The following NFXL1 variants were observed in gnomAD, a reference collection of about 807,000 sequenced individuals.
NFXL1 encodes the protein nuclear transcription factor, X-box binding like 1.
In NFXL1, 66 loss-of-function variants were observed where a neutral mutation model predicts 123.3. The observed-to-expected ratio is 0.54, with a 90% CI of 0.44 to 0.66. The LOEUF (loss-of-function observed/expected upper bound fraction) is 0.66. Among genes scored for constraint, NFXL1 ranks in the 30% least tolerant of loss-of-function variants. The pLI is 0.00. For synonymous variants in NFXL1, 346 were observed against 360.8 expected, an observed-to-expected ratio of 0.96 and a Z score of 0.46; for missense variants, 944 against 1,125.6, an observed-to-expected ratio of 0.84 and a Z score of 2.31.
chr4:47,892,140 C>T (rs1736811312), intron 11 of NFXL1, among the ~76,000 whole-genome samples: 1 of 152,118 alleles, frequency 6.6e-6, no homozygotes, highest in East Asian at 1.9e-4. Context: ...ACTAGAAAAC[C>T]ACATAAAAGA....
intron 2 of NFXL1, among the ~76,000 whole-genome samples, chr4:47,913,650 T>C (rs568205753): frequency 2.0e-4 from 31 of 152,322 alleles, no homozygotes; most frequent in African/African-American, 7.2e-4. Context: ...AACTCTGTGT[T>C]AACCAAACAA....
At chr4:47,864,411 T>C (rs989357181) in intron 18 of NFXL1, among the ~76,000 whole-genome samples, 1 of 152,110 alleles carries the variant, frequency 6.6e-6, no homozygotes, top group Non-Finnish European at 1.5e-5. Flanking sequence ...CCTTTCTGTC[T>C]TGAGCAGGCC....
At chr4:47,862,461 A>G (rs971265421) in intron 19 of NFXL1, among the ~76,000 whole-genome samples, 3 of 152,194 alleles carry the variant, frequency 2.0e-5, no homozygotes, top group African/African-American at 7.2e-5. Context: ...ACACATGCAC[A>G]TGCATACACA....
At chr4:47,863,037 T>A in intron 18 of NFXL1, 122 bp from the exon 19 acceptor site, 1 of 635,528 alleles carries the variant, frequency 1.6e-6, no homozygotes, top group Admixed American at 3.0e-5. Context: ...AGAAATACTT[T>A]AATTATTTCT....
Position 47,898,945 on chromosome 4 carries a change from G to A in NFXL1, c.988+14C>T. The A allele has an allele frequency of 1.2e-6, 2 of 1,613,640 alleles. No individual in the cohort carries two copies. The highest frequency in any genetic ancestry group is 1.7e-6 in the Non-Finnish European group (2 of 1,179,664). ...GCTTAAAGTCAGAAAAATCTAATGG[G>A]TATGGCCTTTTACCTGCATGACAAG... On this transcript the variant is annotated intron_variant, in intron 7 of 22. Transcript: ENST00000507489.
At position 47,910,004 on chromosome 4, in the gene NFXL1, G is replaced by A. The variant is rs989351993; in HGVS notation, c.406+820C>T. The stretch of plus-strand genomic sequence containing the variant: ...TAATAATAATTTTAAAGTATAAAAG[G>A]CAGAAAGTTTAATAATATTTACATT... On this transcript the variant is annotated intron_variant, in intron 3 of 22. Transcript: ENST00000507489. 7.9e-5 allele frequency among the ~76,000 whole-genome samples: 12 copies of A among 152,198 alleles called. No individual in the cohort carries two copies. The South Asian group carries it at 1.2e-3, about 16-fold the overall frequency.
intron 18 of NFXL1, among the ~76,000 whole-genome samples, chr4:47,870,545 G>C (rs551533089): frequency 2.0e-5 from 3 of 152,150 alleles, no homozygotes; most frequent in African/African-American, 7.2e-5. Flanking sequence ...AATGATAGGA[G>C]ATGACAGAAA....
At chr4:47,892,364 G>C (rs1244261642) in intron 11 of NFXL1, among the ~76,000 whole-genome samples, 1 of 152,220 alleles carries the variant, frequency 6.6e-6, no homozygotes, top group Non-Finnish European at 1.5e-5. Flanking sequence ...AGTGTGGCTA[G>C]AATTTGTGCA....
chr4:47,914,145 G>A lies in NFXL1; in HGVS notation c.59C>T (p.Thr20Ile). The change falls in exon 2 of 23, where the codon ACT (threonine) becomes ATT (isoleucine). Residue 20 changes from threonine (T) to isoleucine (I), a missense_variant. Thr to Ile is a moderately conservative substitution (Grantham distance 89). This residue lies in a region of NFXL1 where 303 missense variants were observed against 292.1 expected (regional missense o/e 1.04). Coordinates refer to ENST00000507489, the MANE Select transcript of NFXL1 (RefSeq NM_001278624.2). ...GACTCCATTTCCTGAGGGGGCGGCA[G>A]TGGCCCGTCCCCGGGATCGGCCTCG... ...GGRGRSRGRA[T>I]AAPSGNGVHL... 6.4e-7 allele frequency: 1 copy of A among 1,553,318 alleles called. No homozygotes were observed. Among genetic ancestry groups the A allele is most frequent in the South Asian group, 1.2e-5 (1 of 84,712 alleles).
chr4:47,901,243 C>G (rs1737343864), intron 5 of NFXL1, among the ~76,000 whole-genome samples: 1 of 152,104 alleles, frequency 6.6e-6, no homozygotes, highest in Non-Finnish European at 1.5e-5. Flanking sequence ...TTACCAAGTT[C>G]TAGCTCCATC....
chr4:47,847,841 A>T lies in NFXL1; in HGVS notation c.*322T>A, dbSNP rs991665941. 1.7e-5 allele frequency: 3 copies of T among 177,382 alleles called. No individual in the cohort carries two copies. Among genetic ancestry groups the T allele is most frequent in the East Asian group, 1.4e-4 (1 of 6,986 alleles). 11.0% of individuals were successfully genotyped at this position (177,382 alleles called of 1,614,324 possible). ...TCAGTCTCATCTGAATTATTTTTTT[A>T]AAAGTGTTGGTTTGAATTATTAAAT... On this transcript the variant is annotated 3_prime_UTR_variant, in exon 23 of 23. Transcript: ENST00000507489.
intron 11 of NFXL1, among the ~76,000 whole-genome samples, chr4:47,892,479 A>T (rs943570083): frequency 2.0e-5 from 3 of 152,194 alleles, no homozygotes; most frequent in African/African-American, 7.2e-5. Context: ...ACAATCCAAA[A>T]GCTGAGAAAG....
intron 3 of NFXL1, among the ~76,000 whole-genome samples, chr4:47,909,749 C>G (rs560217128): frequency 6.6e-5 from 10 of 151,764 alleles, no homozygotes; most frequent in Non-Finnish European, 1.3e-4. Context: ...ACCTTCACCT[C>G]CCAAGTTCAA....
chr4:47,888,562 AAAAC>A (rs1560596557), intron 12 of NFXL1, among the ~76,000 whole-genome samples: 1 of 132,176 alleles, frequency 7.6e-6, no homozygotes, highest in African/African-American at 2.8e-5. Context: ...AACAAACAAA[AAAAC>A]ACCACTCTAC....
chr4:47,914,655 C>G (rs1279248577), upstream of NFXL1: 1 of 155,768 alleles, frequency 6.4e-6, no homozygotes, highest in Non-Finnish European at 1.4e-5. Context: ...CCAGAAGCCC[C>G]CGCCCGCGTT....
In NFXL1 at chr4:47,891,624, T is replaced by G. The variant is rs185320285; in HGVS notation, c.1453-921A>C. On this transcript the variant is annotated intron_variant, in intron 11 of 22. Transcript: ENST00000507489. ...CTATATTGCCATCTTAACTCTTTCC[T>G]TAACTTCTTACTTACCTAACTTTGG... Among the ~76,000 whole-genome samples, 25 of 152,318 alleles carry G rather than the reference T, an allele frequency of 1.6e-4. No homozygotes were observed. The East Asian group carries it at 4.8e-3, about 29-fold the overall frequency.
chr4:47,884,099 C>CCTTCT, intron 15 of NFXL1, among the ~76,000 whole-genome samples: 1 of 152,026 alleles, frequency 6.6e-6, no homozygotes, highest in South Asian at 2.1e-4. Flanking sequence ...CTATGGAAAG[C>CCTTCT]TAAGAAGGGC....
chr4:47,878,802 T>A (rs1735908885), intron 16 of NFXL1, 137 bp from the exon 17 acceptor site: 1 of 597,116 alleles, frequency 1.7e-6, no homozygotes, highest in Non-Finnish European at 2.7e-6. Flanking sequence ...AATAATAATA[T>A]CAAAATCAAA....
intron 20 of NFXL1, 70 bp downstream of exon 20, chr4:47,854,989 A>C (rs1233873364): frequency 1.6e-6 from 1 of 636,182 alleles, no homozygotes; most frequent in Non-Finnish European, 2.6e-6. Flanking sequence ...TAGATCAAAA[A>C]ACAAGAACAA....
Sources: gnomAD v4.1 joint callset for allele counts (sites outside exome capture counted in the v4.1 genomes callset) on GRCh38, gnomAD v4.1.1 for gene constraint, gnomAD v4.1.1 regional missense constraint, MANE v1.5 for transcripts, NCBI Gene and HGNC (gene_info 2026-07-23, HGNC 2026-07-21) for gene names.